The following ATXN3 variants were observed in gnomAD, a reference collection of about 807,000 sequenced individuals.
ATXN3 encodes the protein ataxin-3.
ATXN3 carries 28 observed loss-of-function variants against 58.2 expected under a neutral mutation model. The ratio of observed to expected loss-of-function variants is 0.48; its 90% CI spans 0.36 to 0.66. The LOEUF is 0.66. ATXN3 is among the 30% of genes least tolerant of loss of function. The probability of loss-of-function intolerance (pLI) is 0.00; values close to 1 mark genes in which losing one functional copy is unlikely to be tolerated. For missense variants in ATXN3, 321 were observed against 422.1 expected, an observed-to-expected ratio of 0.76 and a Z score of 2.10; for synonymous variants, 113 against 138.5, an observed-to-expected ratio of 0.82 and a Z score of 1.29.
intron 9 of ATXN3, among the ~76,000 whole-genome samples, chr14:92,073,308 T>TG (rs2059772519): frequency 6.6e-6 from 1 of 152,266 alleles, no homozygotes; most frequent in Admixed American, 6.5e-5. Context: ...CCACTCCCAC[T>TG]GTGCCATCAA....
At position 92,062,074 on chromosome 14, in the gene ATXN3, T is replaced by C. The variant is rs570576217; in HGVS notation, c.*2246A>G. The C allele has an allele frequency of 6.6e-6, 1 of 152,250 alleles. No individual in the cohort carries two copies. The highest frequency in any genetic ancestry group is 1.5e-5 in the Non-Finnish European group (1 of 68,098). 9.4% of individuals were successfully genotyped at this position (152,250 alleles called of 1,614,324 possible). ...AGTTCGAGACCAGCCTGGCCAAACA[T>C]GATGAAACCGCGTCTCTACCAAAAA... On this transcript the variant is annotated 3_prime_UTR_variant, in exon 11 of 11. Coordinates refer to ENST00000644486, the MANE Select transcript of ATXN3 (RefSeq NM_004993.6).
At chr14:92,083,091 T>C (rs1566948410) in intron 7 of ATXN3, 35 bp downstream of exon 7, 1 of 1,573,464 alleles carries the variant, frequency 6.4e-7, no homozygotes, top group Non-Finnish European at 8.6e-7. Context: ...AATGAAATAC[T>C]ACCATATATT....
intron 6 of ATXN3, chr14:92,083,473 G>GT: frequency 1.5e-6 from 1 of 661,080 alleles, no homozygotes; most frequent in Non-Finnish European, 2.8e-6. Context: ...TTTCTCCATT[G>GT]TAAGACTGGA....
At chr14:92,078,801 G>T (rs189713300) in intron 9 of ATXN3, among the ~76,000 whole-genome samples, 2 of 152,220 alleles carry the variant, frequency 1.3e-5, no homozygotes, top group African/African-American at 4.8e-5. Context: ...TATTAAAATG[G>T]TTATAGAATA....
At chr14:92,048,420 G>A (rs927443709) in intron 1 of ATXN3, among the ~76,000 whole-genome samples, 4 of 152,186 alleles carry the variant, frequency 2.6e-5, no homozygotes, top group African/African-American at 4.8e-5. Context: ...TTCTAATGTC[G>A]GGAGTGGGTT....
intron 1 of ATXN3, among the ~76,000 whole-genome samples, chr14:92,101,284 T>C (rs1205049650): frequency 6.6e-6 from 1 of 152,168 alleles, no homozygotes; most frequent in Non-Finnish European, 1.5e-5. Flanking sequence ...GGAGCTAAGA[T>C]TGTGCCACTG....
At chr14:92,102,817 G>A (rs1280314184) in intron 1 of ATXN3, among the ~76,000 whole-genome samples, 1 of 152,172 alleles carries the variant, frequency 6.6e-6, no homozygotes, top group Non-Finnish European at 1.5e-5. Context: ...AAAAGGCAGA[G>A]CTGAGACTCA....
chr14:92,073,765 G>A (rs764527113), intron 9 of ATXN3, among the ~76,000 whole-genome samples: 9 of 151,956 alleles, frequency 5.9e-5, no homozygotes, highest in Non-Finnish European at 1.0e-4. Context: ...CTTGAACCCG[G>A]GAGGCGGAGG....
chr14:92,071,161 T>G (rs2059386722), intron 9 of ATXN3, 108 bp from the exon 10 acceptor site: 1 of 1,448,802 alleles, frequency 6.9e-7, no homozygotes. Context: ...CGAATCAAAG[T>G]AGTCACTGGT....
intron 9 of ATXN3, among the ~76,000 whole-genome samples, chr14:92,079,046 CATG>C (rs1174598206): frequency 2.6e-5 from 4 of 152,014 alleles, no homozygotes; most frequent in Admixed American, 6.6e-5. Flanking sequence ...ATTAGCCAGG[CATG>C]GTGGTGTGTA....
intron 9 of ATXN3, among the ~76,000 whole-genome samples, chr14:92,072,824 T>C (rs1482279732): frequency 2.0e-5 from 3 of 151,816 alleles, no homozygotes; most frequent in Admixed American, 6.6e-5. Flanking sequence ...CAATTATTAA[T>C]AGAATGGCAC....
intron 9 of ATXN3, among the ~76,000 whole-genome samples, chr14:92,076,215 G>A (rs867344543): frequency 1.1e-4 from 17 of 152,260 alleles, no homozygotes; most frequent in South Asian, 2.1e-4. Context: ...GGAGACCCAG[G>A]CTGGCAGATT....
chr14:92,079,569 A>C, intron 9 of ATXN3: 1 of 305,312 alleles, frequency 3.3e-6, no homozygotes, highest in Non-Finnish European at 4.8e-6. Flanking sequence ...ACTGTCAATT[A>C]TGACTGTAAG....
Position 92,093,579 on chromosome 14 carries a change from G to A in ATXN3, c.320+167C>T, listed in dbSNP as rs534939832. 1.5e-5 allele frequency: 10 copies of A among 665,484 alleles called. No individual in the cohort carries two copies. The East Asian group carries it at 2.2e-4, about 15-fold the overall frequency. 41.2% of individuals were successfully genotyped at this position (665,484 alleles called of 1,614,324 possible). A position where few individuals can be genotyped will look rare whatever the true frequency, so the allele number is the denominator to read the frequency against. On this transcript the variant is annotated intron_variant, in intron 4 of 10. Transcript: ENST00000644486. ...ACTGGGGTGCCAGGAAGGCTACAGG[G>A]CAGATGCTCATGGACATCACAAAGG... is the stretch of plus-strand genomic sequence containing the variant.
At position 92,058,680 on chromosome 14, in the gene ATXN3, A is replaced by G. The variant is rs2057532677; in HGVS notation, c.*5640T>C. 1.3e-5 allele frequency: 2 copies of G among 152,238 alleles called. No individual in the cohort carries two copies. Among genetic ancestry groups the G allele is most frequent in the South Asian group, 2.1e-4 (1 of 4,832 alleles). 9.4% of individuals were successfully genotyped at this position (152,238 alleles called of 1,614,324 possible). A position where few individuals can be genotyped will look rare whatever the true frequency, so the allele number is the denominator to read the frequency against. On this transcript the variant is annotated 3_prime_UTR_variant, in exon 11 of 11. Transcript: ENST00000644486. ...GAAGCCCGGCTTTTCTAACGACCAG[A>G]CAGGAAGGCCTGTGTGTGTAATAAC...
In ATXN3 at chr14:92,070,750, T is replaced by C. The variant is rs1175945333; in HGVS notation, c.991+185A>G. ...TGTGAGCCACCACATCTAGCTTTTT[T>C]TTTTTTTTTTCTTTTGGTAACTGCT... On this transcript the variant is annotated intron_variant, in intron 10 of 10. Transcript: ENST00000644486. 13 of 1,363,496 alleles carry C rather than the reference T, an allele frequency of 9.5e-6. No homozygotes were observed. The Admixed American group carries it at 1.4e-4, about 15-fold the overall frequency. 84.5% of individuals were successfully genotyped at this position (1,363,496 alleles called of 1,614,324 possible).
At chr14:92,101,694 C>G (rs1317055383) in intron 1 of ATXN3, among the ~76,000 whole-genome samples, 1 of 151,932 alleles carries the variant, frequency 6.6e-6, no homozygotes, top group East Asian at 1.9e-4. Context: ...CCCGCCTCTA[C>G]TAAAAATATA....
At chr14:92,054,532 G>A (rs1352422764), downstream of ATXN3, among the ~76,000 whole-genome samples, 1 of 152,182 alleles carries the variant, frequency 6.6e-6, no homozygotes, top group African/African-American at 2.4e-5. Context: ...GTCTAAAAAG[G>A]GGAGGCATGA....
chr14:92,054,802 T>G (rs996311856), downstream of ATXN3, among the ~76,000 whole-genome samples: 5 of 152,116 alleles, frequency 3.3e-5, no homozygotes, highest in African/African-American at 1.2e-4. Context: ...ATCCCCGGAC[T>G]GGCAGTCTCC....
Sources: allele counts gnomAD v4.1 joint callset (sites outside exome capture counted in the v4.1 genomes callset), GRCh38; gene constraint gnomAD v4.1.1; transcripts MANE v1.5; gene names NCBI Gene and HGNC (gene_info 2026-07-23, HGNC 2026-07-21).